PIEZO2: variants seen among roughly 807,000 people sequenced by gnomAD.
The protein encoded by PIEZO2 is piezo type mechanosensitive ion channel component 2.
Under a neutral mutation model 337.3 loss-of-function variants are expected in PIEZO2, and 172 were observed. The observed-to-expected ratio is 0.51, with a 90% CI of 0.45 to 0.58. The LOEUF is 0.58. Ranked by LOEUF, PIEZO2 falls within the 20% of genes least tolerant of loss-of-function variation. The pLI is 0.00. For missense variants in PIEZO2, 3,028 were observed against 3,391.3 expected (o/e 0.89, Z 2.66); for synonymous variants, 1,251 against 1,228.5 (o/e 1.02, Z -0.38).
At chr18:10,741,789 A>G (rs1302279256) in intron 32 of PIEZO2, among the ~76,000 whole-genome samples, 1 of 152,186 alleles carries the variant, frequency 6.6e-6, no homozygotes, top group Non-Finnish European at 1.5e-5. Context: ...TACATATTTC[A>G]TTTCCATATA....
chr18:10,807,311 A>C (rs938484528), intron 7 of PIEZO2, 37 bp from the exon 8 acceptor site: 40 of 1,513,456 alleles, frequency 2.6e-5, no homozygotes, highest in Non-Finnish European at 3.5e-5. Context: ...AAAAGATGCA[A>C]TAAGCTATAT....
intron 3 of PIEZO2, among the ~76,000 whole-genome samples, chr18:10,939,274 C>A (rs1476698570): frequency 6.6e-6 from 1 of 152,106 alleles, no homozygotes; most frequent in East Asian, 1.9e-4. Context: ...TTATCTACCA[C>A]AAAAGTGGTA....
chr18:10,885,148 G>C (rs2042539541), intron 4 of PIEZO2, among the ~76,000 whole-genome samples: 1 of 152,172 alleles, frequency 6.6e-6, no homozygotes, highest in South Asian at 2.1e-4. Context: ...AATAAAGCCG[G>C]GCGTGGTGGC....
At chr18:10,720,231 T>TGTGTGC (rs1555631499) in intron 36 of PIEZO2, among the ~76,000 whole-genome samples, 8 of 140,632 alleles carry the variant, frequency 5.7e-5, no homozygotes, top group Admixed American at 3.0e-4. Flanking sequence ...TATGTGTGTG[T>TGTGTGC]GTGTATATAT....
At chr18:10,947,208 G>A (rs1055355831) in intron 3 of PIEZO2, among the ~76,000 whole-genome samples, 1 of 152,064 alleles carries the variant, frequency 6.6e-6, no homozygotes, top group Non-Finnish European at 1.5e-5. Flanking sequence ...AAATGAATCA[G>A]ATTTCAGAAT....
chr18:10,749,316 G>A (rs536803425), intron 29 of PIEZO2, among the ~76,000 whole-genome samples: 2 of 152,178 alleles, frequency 1.3e-5, no homozygotes, highest in African/African-American at 4.8e-5. Context: ...GCATAGTGGT[G>A]CAGCTACTCA....
chr18:10,697,786 T>C lies in PIEZO2; in HGVS notation c.6789A>G (p.Gln2263=), dbSNP rs2035160563. ...AGGCTTTTGCTTTGATTAAATGTTC[T>C]TGAAGCTTTTCCATATAAAGTTCCC... The part of the protein sequence containing the change: ...GKRELYMEKL[Q]EHLIKAKAFT... The change falls in exon 45 of 56, where the codon CAA becomes CAG. Residue 2263 remains glutamine, a synonymous_variant. Transcript: ENST00000674853. 1 of 1,614,120 alleles carries C rather than the reference T, an allele frequency of 6.2e-7. No homozygotes were observed. Among genetic ancestry groups the C allele is most frequent in the Non-Finnish European group, 8.5e-7 (1 of 1,180,046 alleles).
chr18:10,907,847 T>C (rs570634113), intron 4 of PIEZO2, among the ~76,000 whole-genome samples: 1 of 152,368 alleles, frequency 6.6e-6, no homozygotes, highest in East Asian at 1.9e-4. Context: ...TAGGCACAGA[T>C]TCTTTTTATC....
intron 2 of PIEZO2, among the ~76,000 whole-genome samples, chr18:10,984,420 A>G (rs28875597): frequency 0.015 from 2,220 of 152,230 alleles, 62 homozygotes; most frequent in African/African-American, 0.048. Context: ...AAAATTATGG[A>G]GCTAAAGAAT....
chr18:10,843,735 C>T (rs1482494805), intron 7 of PIEZO2, among the ~76,000 whole-genome samples: 1 of 152,182 alleles, frequency 6.6e-6, no homozygotes, highest in African/African-American at 2.4e-5. Context: ...ATACAGTTTC[C>T]GACCTCGAGT....
At chr18:10,680,950 C>T (rs941390435) in intron 51 of PIEZO2, among the ~76,000 whole-genome samples, 7 of 152,104 alleles carry the variant, frequency 4.6e-5, no homozygotes, top group Admixed American at 1.3e-4. Context: ...ATAACATCAG[C>T]CACCCTTCTG....
rs1399967414 is a variant in PIEZO2 at position 10,837,533 on chromosome 18, C to A, written c.917+17820G>T. Among the ~76,000 whole-genome samples, 1 of 152,132 alleles carries A rather than the reference C, an allele frequency of 6.6e-6. No individual in the cohort carries two copies. Among genetic ancestry groups the A allele is most frequent in the African/African-American group, 2.4e-5 (1 of 41,434 alleles). ...GGGGCCAGCAAGAAAGCTTGAGAAC[C>A]ACTGGTAGATGGTATCAATATCTCT... On this transcript the variant is annotated intron_variant, in intron 7 of 55. Coordinates refer to ENST00000674853, the MANE Select transcript of PIEZO2 (RefSeq NM_001378183.1). This position sits in a 1 kb window ranked among gnomAD's most constrained non-coding sequence, Gnocchi z 4.4.
Position 10,704,640 on chromosome 18 carries a change from G to A in PIEZO2, c.6012C>T (p.Asp2004=), listed in dbSNP as rs16975235. 4,630 of 1,536,402 alleles carry A rather than the reference G, an allele frequency of 3.0e-3. 121 individuals carry two copies. The African/African-American group carries it at 0.054, about 18-fold the overall frequency. Reference sequence around the variant, plus strand: ...ATTTCTCTGACTCTTCAAGCTCATCGTCGTGAAACATCCTGTTAAAGCAAA... The same window carrying A: ...ATTTCTCTGACTCTTCAAGCTCATCATCGTGAAACATCCTGTTAAAGCAAA... The part of the protein sequence containing the change: ...SELLLKKMFH[D]DELEESEKFY... The change falls in exon 42 of 56, where the codon GAC becomes GAT. Residue 2004 remains aspartate, a synonymous_variant. Coordinates refer to ENST00000674853, the MANE Select transcript of PIEZO2 (RefSeq NM_001378183.1).
At chr18:10,681,804 A>AT (rs1567942294) in intron 50 of PIEZO2, 51 bp from the exon 51 acceptor site, 1 of 1,436,592 alleles carries the variant, frequency 7.0e-7, no homozygotes, top group Non-Finnish European at 9.8e-7. Context: ...TCTTCTCTGC[A>AT]TCCTGAGTCA....
chr18:10,800,577 G>C, intron 10 of PIEZO2, 102 bp from the exon 11 acceptor site: 2 of 1,332,348 alleles, frequency 1.5e-6, no homozygotes, highest in Non-Finnish European at 2.0e-6. Context: ...GAACAGTGAG[G>C]AGTTGATTAC....
At chr18:10,842,901 G>C (rs1390483881) in intron 7 of PIEZO2, among the ~76,000 whole-genome samples, 2 of 152,204 alleles carry the variant, frequency 1.3e-5, no homozygotes, top group African/African-American at 4.8e-5. Context: ...TTAGCAGAAA[G>C]CTTTTGTAGC....
rs553379122 is a variant in PIEZO2, at chr18:10,939,864, C to A, written c.287-28636G>T. Among the ~76,000 whole-genome samples the A allele has an allele frequency of 2.6e-5, 4 of 152,164 alleles. No homozygotes were observed. The South Asian group carries it at 8.3e-4, about 32-fold the overall frequency. The stretch of plus-strand genomic sequence containing the variant: ...ATGAGTTGATAGGCGCAGCAAACCA[C>A]CACGGCATATGTATACTTATGTAAC... On this transcript the variant is annotated intron_variant, in intron 3 of 55. Coordinates refer to ENST00000674853, the MANE Select transcript of PIEZO2 (RefSeq NM_001378183.1).
rs1281006756 is a variant in PIEZO2, at chr18:10,989,466, A to G, written c.161-9806T>C. Among the ~76,000 whole-genome samples the G allele has an allele frequency of 3.3e-5, 5 of 150,950 alleles. No homozygotes were observed. The South Asian group carries it at 6.4e-4, about 19-fold the overall frequency. ...GGAGTGACGAGTGTGTTCTAAAGCA[A>G]TACGCAAAAACATAAGCTCTAAGAC... is the stretch of plus-strand genomic sequence containing the variant. On this transcript the variant is annotated intron_variant, in intron 2 of 55. Transcript: ENST00000674853.
chr18:10,978,881 C>T (rs1391297069), intron 3 of PIEZO2, among the ~76,000 whole-genome samples: 1 of 152,088 alleles, frequency 6.6e-6, no homozygotes, highest in East Asian at 1.9e-4. Context: ...ACACATCCTA[C>T]AAAAACTGAA....
Sources: allele counts gnomAD v4.1 joint callset (sites outside exome capture counted in the v4.1 genomes callset), GRCh38; gene constraint gnomAD v4.1.1; non-coding constraint Gnocchi (gnomAD v3.1); transcripts MANE v1.5; gene names NCBI Gene and HGNC (gene_info 2026-07-23, HGNC 2026-07-21).